NPC1L1: variants seen among roughly 807,000 people sequenced by gnomAD.
NPC1L1 encodes NPC1 like intracellular cholesterol transporter 1, also known as NPC1-like intracellular cholesterol transporter 1.
In NPC1L1, 98 loss-of-function variants were observed where a neutral mutation model predicts 117.0. The ratio of observed to expected loss-of-function variants is 0.84; its 90% CI spans 0.71 to 0.99. The LOEUF (loss-of-function observed/expected upper bound fraction) is 0.99. Ranked by LOEUF, NPC1L1 falls within the 50% of genes least tolerant of loss-of-function variation. NPC1L1 has a pLI of 0.00. For missense variants in NPC1L1, 1,540 were observed against 1,710.0 expected, an observed-to-expected ratio of 0.90 and a Z score of 1.75; for synonymous variants, 729 against 727.6, an observed-to-expected ratio of 1.00 and a Z score of -0.03.
chr7:44,536,216 T>G lies in NPC1L1; in HGVS notation c.1854+40A>C. 1 of 1,611,972 alleles carries G rather than the reference T, an allele frequency of 6.2e-7. No individual in the cohort carries two copies. ...ACACAGGAACTGACCCAAGACCACC[T>G]GGGTTGCACCCCCAGAGCCAGGGAC... On this transcript the variant is annotated intron_variant, in intron 4 of 18. Transcript: ENST00000381160. This position sits in a 1 kb window ranked among gnomAD's most constrained non-coding sequence, Gnocchi z 4.7.
intron 14 of NPC1L1, 127 bp from the exon 15 acceptor site, chr7:44,517,484 C>T: frequency 1.0e-5 from 12 of 1,177,538 alleles, no homozygotes; most frequent in Non-Finnish European, 1.5e-5. Context: ...TCTGCCACCA[C>T]CATTTGAAAT....
chr7:44,539,407 G>A lies in NPC1L1; in HGVS notation c.990C>T (p.Ser330=), dbSNP rs1182299087. The A allele has an allele frequency of 6.2e-7, 1 of 1,614,130 alleles. No individual in the cohort carries two copies. The highest frequency in any genetic ancestry group is 8.5e-7 in the Non-Finnish European group (1 of 1,180,002). The change falls in exon 2 of 19, where the codon AGC becomes AGT. Residue 330 remains serine (S), a synonymous_variant. Transcript: ENST00000381160. This position sits in a 1 kb window ranked among gnomAD's most constrained non-coding sequence, Gnocchi z 4.4. ...KKGTSLSDKL[S]FSTHTLLGQF... The stretch of plus-strand genomic sequence containing the variant: ...GGCCAAGGAGGGTGTGGGTGGAGAA[G>A]CTGAGCTTGTCAGAGAGGCTGGTGC...
rs761127381 is a variant in NPC1L1 at position 44,540,262 on chromosome 7, C to T, written c.135G>A (p.Leu45=). 6.2e-7 allele frequency: 1 copy of T among 1,614,088 alleles called. No individual in the cohort carries two copies. Among genetic ancestry groups the T allele is most frequent in the Non-Finnish European group, 8.5e-7 (1 of 1,180,038 alleles). ...FYDECGKNPE[L]SGSLMTLSNV... ...TGGAGAGTGTCATGAGGCTTCCAGACAGCTCTGGGTTCTTCCCACATTCGT... is the reference window on the plus strand; with the variant it reads ...TGGAGAGTGTCATGAGGCTTCCAGATAGCTCTGGGTTCTTCCCACATTCGT... The change falls in exon 2 of 19, where the codon CTG becomes CTA. Residue 45 remains leucine, a synonymous_variant. Transcript: ENST00000381160.
Position 44,539,508 on chromosome 7 carries a change from C to T in NPC1L1, c.889G>A (p.Val297Met). The change falls in exon 2 of 19, where the codon GTG becomes ATG. Residue 297 changes from valine to methionine, a missense_variant. Physicochemically the swap from Val to Met is conservative, Grantham distance 21. Coordinates refer to ENST00000381160, the MANE Select transcript of NPC1L1 (RefSeq NM_001101648.2). This position sits in a 1 kb window ranked among gnomAD's most constrained non-coding sequence, Gnocchi z 4.4. ...LIIILCSVFA[V>M]VTILLVGFRV... Reference sequence around the variant, plus strand: ...AATCCCACAAGCAGGATGGTGACCACAGCGAAGACAGAGCAGAGGATGATG... The same window carrying T: ...AATCCCACAAGCAGGATGGTGACCATAGCGAAGACAGAGCAGAGGATGATG... 1.2e-6 allele frequency: 2 copies of T among 1,613,532 alleles called. No individual in the cohort carries two copies. The highest frequency in any genetic ancestry group is 1.7e-6 in the Non-Finnish European group (2 of 1,179,580).
Position 44,522,132 on chromosome 7 carries a change from C to T in NPC1L1, c.2748G>A (p.Met916Ile). ...AGCCTGCACTGGAGCAGATGGCATT[C>T]ATCCCAGCCTCGCTGGAGAAGTTGT... ...LGYNFSSEAG[M>I]NAICSSAGCN... is the part of the protein sequence containing the mutation. Residue 916 changes from methionine to isoleucine, a missense_variant, in exon 11 of 19, where the codon ATG (methionine) becomes ATA (isoleucine). By Grantham distance (10) the Met-to-Ile change is conservative. Transcript: ENST00000381160. 1 of 1,614,022 alleles carries T rather than the reference C, an allele frequency of 6.2e-7. No homozygotes were observed. Among genetic ancestry groups the T allele is most frequent in the Non-Finnish European group, 8.5e-7 (1 of 1,179,974 alleles).
chr7:44,523,235 TAA>T (rs1801413750), intron 10 of NPC1L1, among the ~76,000 whole-genome samples: 1 of 152,134 alleles, frequency 6.6e-6, no homozygotes, highest in African/African-American at 2.4e-5. Flanking sequence ...TTTGTATTTT[TAA>T]AAGAGATGGG....
chr7:44,539,340 G>A lies in NPC1L1; in HGVS notation c.1057C>T (p.Leu353=). ...ATGACAGATAGCACCAAGATGGTCA[G>A]AGGCCACGAAGCCACCCACGTGCCC... ...GWGTWVASWP[L]TILVLSVIPV... is the part of the protein sequence containing the mutation. Residue 353 remains leucine (L), a synonymous_variant, in exon 2 of 19, where the codon CTG becomes TTG. Transcript: ENST00000381160. This position sits in a 1 kb window ranked among gnomAD's most constrained non-coding sequence, Gnocchi z 4.4. 1 of 1,613,660 alleles carries A rather than the reference G, an allele frequency of 6.2e-7. No individual in the cohort carries two copies.
chr7:44,516,769 G>A lies in NPC1L1; in HGVS notation c.3453C>T (p.Asp1151=), dbSNP rs1327270705. The part of the protein sequence containing the change: ...NLLSIVMILV[D]TVGFMALWGI... The stretch of plus-strand genomic sequence containing the variant: ...CCCACAGGGCCATGAAGCCGACAGT[G>A]TCCACGAGGATCATGACAATGGAGA... The change falls in exon 16 of 19, where the codon GAC becomes GAT. Residue 1151 remains aspartate, a synonymous_variant. Transcript: ENST00000381160. 1.9e-6 allele frequency: 3 copies of A among 1,613,978 alleles called. No homozygotes were observed. The highest frequency in any genetic ancestry group is 1.7e-6 in the Non-Finnish European group (2 of 1,179,958).
At position 44,530,286 on chromosome 7, in the gene NPC1L1, C is replaced by T. The variant is rs375153417; in HGVS notation, c.2637+1469G>A. ...CCGGGAGGCGGAGATTGCGGTGAGC[C>T]GAGATCACACCATTGCACTCCAGCC... On this transcript the variant is annotated intron_variant, in intron 10 of 18. Coordinates refer to ENST00000381160, the MANE Select transcript of NPC1L1 (RefSeq NM_001101648.2). Among the ~76,000 whole-genome samples, 476 of 151,850 alleles carry T rather than the reference C, an allele frequency of 3.1e-3. 1 individual carries two copies. Among genetic ancestry groups the T allele is most frequent in the Middle Eastern group, 6.8e-3 (2 of 294 alleles).
In NPC1L1 at chr7:44,541,068, T is replaced by C. The variant is rs1585156468; in HGVS notation, c.54+138A>G. The C allele has an allele frequency of 2.0e-5, 18 of 888,110 alleles. No homozygotes were observed. The East Asian group carries it at 4.5e-4, about 22-fold the overall frequency. 55.0% of individuals were successfully genotyped at this position (888,110 alleles called of 1,614,324 possible). ...CCTCTGTGGGGCCTGGCATCCCTCA[T>C]GTGTCCAGAGACTTGCCCAGCCCGC... is the stretch of plus-strand genomic sequence containing the variant. On this transcript the variant is annotated intron_variant, in intron 1 of 18. Coordinates refer to ENST00000381160, the MANE Select transcript of NPC1L1 (RefSeq NM_001101648.2).
chr7:44,540,187 GTGA>G lies in NPC1L1; in HGVS notation c.207_209del (p.His70del). On this transcript the variant is annotated inframe_deletion, in exon 2 of 19. Transcript: ENST00000381160. ...GGCAGATCTTCTGTAATAGGATCAG[GTGA>G]TCACCTGTGATCTTGCGGGCCGGCG... is the stretch of plus-strand genomic sequence containing the variant. The G allele has an allele frequency of 6.2e-7, 1 of 1,614,088 alleles. No homozygotes were observed.
chr7:44,531,439 C>T (rs1008065019), intron 10 of NPC1L1, among the ~76,000 whole-genome samples: 5 of 152,238 alleles, frequency 3.3e-5, no homozygotes, highest in South Asian at 2.1e-4. Flanking sequence ...CCAGAGAATT[C>T]GCAGGGCTGG....
At chr7:44,525,469 G>A (rs1801483488) in intron 10 of NPC1L1, among the ~76,000 whole-genome samples, 1 of 152,290 alleles carries the variant, frequency 6.6e-6, no homozygotes, top group East Asian at 1.9e-4. Context: ...TGTTGGCCAG[G>A]ATGGTCTTGA....
chr7:44,513,379 G>T lies in NPC1L1; in HGVS notation c.*68C>A. 1.4e-6 allele frequency: 2 copies of T among 1,476,746 alleles called. No individual in the cohort carries two copies. The highest frequency in any genetic ancestry group is 1.9e-6 in the Non-Finnish European group (2 of 1,056,632). 91.5% of individuals were successfully genotyped at this position (1,476,746 alleles called of 1,614,324 possible). A position where few individuals can be genotyped will look rare whatever the true frequency, so the allele number is the denominator to read the frequency against. ...TGAGGAGGGCGTGTGTCAAGGGGCA[G>T]TCACAAGGAAGATCCCCATAACCCT... is the stretch of plus-strand genomic sequence containing the variant. On this transcript the variant is annotated 3_prime_UTR_variant, in exon 19 of 19. Coordinates refer to ENST00000381160, the MANE Select transcript of NPC1L1 (RefSeq NM_001101648.2).
Position 44,539,932 on chromosome 7 carries a change from G to T in NPC1L1, c.465C>A (p.Ala155=). 6.2e-7 allele frequency: 1 copy of T among 1,614,208 alleles called. No individual in the cohort carries two copies. Among genetic ancestry groups the T allele is most frequent in the Non-Finnish European group, 8.5e-7 (1 of 1,180,040 alleles). ...AGCTATGCTGGTAGAAGGCCTCATA[G>T]GCCACCACAGCTGGGAGTTGTCCAG... The part of the protein sequence containing the change: ...LGAGQLPAVV[A]YEAFYQHSFA... The change falls in exon 2 of 19, where the codon GCC becomes GCA. Residue 155 remains alanine (A), a synonymous_variant. Transcript: ENST00000381160. This position sits in a 1 kb window ranked among gnomAD's most constrained non-coding sequence, Gnocchi z 4.4.
At position 44,517,240 on chromosome 7, in the gene NPC1L1, C is replaced by G. The variant is rs746468786; in HGVS notation, c.3254G>C (p.Gly1085Ala). ...NITADLRKVPGTDPAFEVFPY... is the reference protein window; with the variant it reads ...NITADLRKVPATDPAFEVFPY... ...GAAGACCTCAAAAGCCGGGTCTGTT[C>G]CAGGCACTTTCCGCAGGTCAGCAGT... The change falls in exon 15 of 19, where the codon GGA becomes GCA. Residue 1085 changes from glycine (G) to alanine (A), a missense_variant. Physicochemically the swap from Gly to Ala is moderately conservative, Grantham distance 60. Around this residue, in one of 3 missense-constraint regions of NPC1L1, gnomAD observed 742 missense variants for 873.6 expected, o/e 0.85. Transcript: ENST00000381160. 3 of 1,614,156 alleles carry G rather than the reference C, an allele frequency of 1.9e-6. No homozygotes were observed. Among genetic ancestry groups the G allele is most frequent in the Non-Finnish European group, 2.5e-6 (3 of 1,180,028 alleles).
rs753930584 is a variant in NPC1L1, at chr7:44,515,795, G to T, written c.3796+8C>A. On this transcript the variant is annotated splice_region_variant and intron_variant, in intron 18 of 18. Transcript: ENST00000381160. ...GACAGTCTGGTAGGAACAGGCCTGG[G>T]CACTCACCCACGTAGCTGAGGATGA... is the stretch of plus-strand genomic sequence containing the variant. 3 of 1,614,136 alleles carry T rather than the reference G, an allele frequency of 1.9e-6. No individual in the cohort carries two copies. Among genetic ancestry groups the T allele is most frequent in the Non-Finnish European group, 2.5e-6 (3 of 1,180,010 alleles).
chr7:44,539,449 C>CA lies in NPC1L1; in HGVS notation c.947dup (p.Met316IlefsTer12). 1 of 1,614,056 alleles carries CA rather than the reference C, an allele frequency of 6.2e-7. No homozygotes were observed. Among genetic ancestry groups the CA allele is most frequent in the Non-Finnish European group, 8.5e-7 (1 of 1,180,004 alleles). ...GGCTGGTGCCCTTCTTGGGGTCCACCATCTTGCTTTTGTCCCTGGCGGGGG... is the reference window on the plus strand; with the variant it reads ...GGCTGGTGCCCTTCTTGGGGTCCACCAATCTTGCTTTTGTCCCTGGCGGGGG... On this transcript the variant is annotated frameshift_variant, in exon 2 of 19. Coordinates refer to ENST00000381160, the MANE Select transcript of NPC1L1 (RefSeq NM_001101648.2). LOFTEE classifies it high-confidence loss of function. The surrounding 1 kb of genome is among the most constrained non-coding windows in gnomAD (Gnocchi z 4.4).
rs2117078768 is a variant in NPC1L1 at position 44,538,457 on chromosome 7, CAT to C, written c.1580+358_1580+359del. ...CCTGGCACAGAAACAAGAAGCAAAA[CAT>C]AGCAAATATAAATATGTACTCTGCC... On this transcript the variant is annotated intron_variant, in intron 2 of 18. Coordinates refer to ENST00000381160, the MANE Select transcript of NPC1L1 (RefSeq NM_001101648.2). This position sits in a 1 kb window ranked among gnomAD's most constrained non-coding sequence, Gnocchi z 5.9. Among the ~76,000 whole-genome samples, 1 of 152,368 alleles carries C rather than the reference CAT, an allele frequency of 6.6e-6. No homozygotes were observed. Among genetic ancestry groups the C allele is most frequent in the Non-Finnish European group, 1.5e-5 (1 of 68,034 alleles).
Sources: gnomAD v4.1 joint callset for allele counts (sites outside exome capture counted in the v4.1 genomes callset) on GRCh38, gnomAD v4.1.1 for gene constraint, gnomAD v4.1.1 regional missense constraint, Gnocchi (gnomAD v3.1) non-coding constraint, MANE v1.5 for transcripts, NCBI Gene and HGNC (gene_info 2026-07-23, HGNC 2026-07-21) for gene names.